USP8: variants seen among roughly 807,000 people sequenced by gnomAD.
USP8 encodes ubiquitin carboxyl-terminal hydrolase 8.
Under a neutral mutation model 130.0 loss-of-function variants are expected in USP8, and 27 were observed. That is an observed-to-expected ratio of 0.21 (90% confidence interval 0.15 to 0.29). The LOEUF is 0.29. Among genes scored for constraint, USP8 ranks in the 10% least tolerant of loss-of-function variants. USP8 has a pLI of 1.00. For synonymous variants in USP8, 392 were observed against 444.1 expected (o/e 0.88, Z 1.48); for missense variants, 1,029 against 1,312.2 (o/e 0.78, Z 3.33).
intron 3 of USP8, among the ~76,000 whole-genome samples, chr15:50,447,167 T>C (rs546918919): frequency 6.6e-6 from 1 of 152,342 alleles, no homozygotes; most frequent in African/African-American, 2.4e-5. Flanking sequence ...TTTAGAAAAA[T>C]TTAATTCTTC....
intron 12 of USP8, among the ~76,000 whole-genome samples, chr15:50,485,550 ATTTTTTTTTTT>A (rs71424071): frequency 4.7e-4 from 13 of 27,944 alleles, no homozygotes; most frequent in South Asian, 2.4e-3. Context: ...CAGTTTAGTG[ATTTTTTTTTTT>A]TTTTTTTTTT....
chr15:50,497,510 A>ATAAT (rs1249247204), intron 18 of USP8: 8 of 253,650 alleles, frequency 3.2e-5, no homozygotes, highest in African/African-American at 1.6e-4. Context: ...ATATTACAGT[A>ATAAT]TAATTCAAAC....
rs750582663 is a variant in USP8, at chr15:50,471,774, T to G, written c.828T>G (p.Ser276Arg). Residue 276 changes from serine (S) to arginine (R), a missense_variant, in exon 8 of 20, where the codon AGT (serine) becomes AGG (arginine). Physicochemically the swap from Ser to Arg is moderately radical, Grantham distance 110. This residue lies in a region of USP8 where 281 missense variants were observed against 336.7 expected (regional missense o/e 0.83). Coordinates refer to ENST00000307179, the MANE Select transcript of USP8 (RefSeq NM_005154.5). Reference sequence around the variant, plus strand: ...TACAGATTGGAACAACTCTCCGGAGTCTGAAAGATGCACTTTTCAAGGTTT... The same window carrying G: ...TACAGATTGGAACAACTCTCCGGAGGCTGAAAGATGCACTTTTCAAGGTTT... ...KDLQIGTTLRSLKDALFKWES... is the reference protein window; with the variant it reads ...KDLQIGTTLRRLKDALFKWES... The G allele has an allele frequency of 6.2e-7, 1 of 1,613,838 alleles. No homozygotes were observed. The highest frequency in any genetic ancestry group is 8.5e-7 in the Non-Finnish European group (1 of 1,179,950).
chr15:50,439,294 A>G lies in USP8; in HGVS notation c.104+117A>G, dbSNP rs1313615134. 30 of 633,696 alleles carry G rather than the reference A, an allele frequency of 4.7e-5. No homozygotes were observed. In the Admixed American group the frequency reaches 1.0e-3, roughly 21 times the overall value. The allele number at this position is 633,696 out of a possible 1,614,324, so 39.3% of individuals were successfully genotyped here. Reference sequence around the variant, plus strand: ...GAAAAATAACACCATCACACGAATAAAGTAGGACCTCCTTAGAGAAAGTTG... The same window carrying G: ...GAAAAATAACACCATCACACGAATAGAGTAGGACCTCCTTAGAGAAAGTTG... On this transcript the variant is annotated intron_variant, in intron 2 of 19. Coordinates refer to ENST00000307179, the MANE Select transcript of USP8 (RefSeq NM_005154.5).
Position 50,474,171 on chromosome 15 carries a change from T to C in USP8, c.849+2376T>C, listed in dbSNP as rs115576230. ...CGTCACCATCCTAGCTAATTTTATT[T>C]TATTTTATTTTTGTAGAGATGAGAT... On this transcript the variant is annotated intron_variant, in intron 8 of 19. Coordinates refer to ENST00000307179, the MANE Select transcript of USP8 (RefSeq NM_005154.5). Among the ~76,000 whole-genome samples the C allele has an allele frequency of 2.1e-3, 315 of 152,110 alleles. 1 individual carries two copies. The highest frequency in any genetic ancestry group is 7.4e-3 in the African/African-American group (306 of 41,488).
At chr15:50,449,871 A>AATAT (rs1168629673) in intron 4 of USP8, among the ~76,000 whole-genome samples, 1 of 120,916 alleles carries the variant, frequency 8.3e-6, no homozygotes, top group Non-Finnish European at 1.7e-5. Context: ...GTGGGCCACC[A>AATAT]TGCCTGGCCC....
chr15:50,429,834 G>T (rs113177019), intron 1 of USP8, among the ~76,000 whole-genome samples: 1 of 152,034 alleles, frequency 6.6e-6, no homozygotes, highest in Non-Finnish European at 1.5e-5. Flanking sequence ...TGTTTTTGGT[G>T]CATGTTAAGT....
chr15:50,438,530 A>C (rs1289361238), intron 1 of USP8, among the ~76,000 whole-genome samples: 1 of 152,230 alleles, frequency 6.6e-6, no homozygotes, highest in Non-Finnish European at 1.5e-5. Flanking sequence ...GGTTACAGTA[A>C]GCCGAGATTG....
chr15:50,499,250 ATAACATT>A lies in USP8; in HGVS notation c.*168_*174del, dbSNP rs1369325714. 3 of 551,668 alleles carry A rather than the reference ATAACATT, an allele frequency of 5.4e-6. No homozygotes were observed. The highest frequency in any genetic ancestry group is 4.0e-5 in the Admixed American group (1 of 25,090). The allele number at this position is 551,668 out of a possible 1,614,324, so 34.2% of individuals were successfully genotyped here. ...ATATAATTCCGGTCAGTGCTGACAA[ATAACATT>A]TAACAAGTATTGCAGTAATCATCAC... On this transcript the variant is annotated 3_prime_UTR_variant, in exon 20 of 20. Coordinates refer to ENST00000307179, the MANE Select transcript of USP8 (RefSeq NM_005154.5).
chr15:50,471,579 A>G (rs1184671066), intron 7 of USP8, 54 bp from the exon 8 acceptor site: 20 of 1,579,830 alleles, frequency 1.3e-5, no homozygotes, highest in African/African-American at 2.7e-5. Context: ...TTCTGTTAGT[A>G]TATTAGGACC....
chr15:50,470,332 G>A (rs770546228), intron 7 of USP8, among the ~76,000 whole-genome samples: 1 of 152,180 alleles, frequency 6.6e-6, no homozygotes, highest in Non-Finnish European at 1.5e-5. Flanking sequence ...TCATGTGTGC[G>A]TGTGCATGTG....
intron 7 of USP8, among the ~76,000 whole-genome samples, chr15:50,467,915 T>C (rs1030823010): frequency 1.3e-5 from 2 of 151,482 alleles, no homozygotes; most frequent in African/African-American, 4.8e-5. Context: ...ATTTTTTAAA[T>C]TTTAATTTAA....
At chr15:50,459,262 CA>C (rs1483849511) in intron 5 of USP8, 100 bp downstream of exon 5, 1 of 1,413,034 alleles carries the variant, frequency 7.1e-7, no homozygotes, top group African/African-American at 1.5e-5. Context: ...TTTTAGGCAA[CA>C]AGGATGAAAT....
chr15:50,434,845 C>G (rs949707683), intron 1 of USP8, among the ~76,000 whole-genome samples: 3 of 152,146 alleles, frequency 2.0e-5, no homozygotes, highest in African/African-American at 4.8e-5. Flanking sequence ...GTCTCAAACT[C>G]CCAACCTCAA....
At chr15:50,431,638 A>C (rs1418258533) in intron 1 of USP8, among the ~76,000 whole-genome samples, 2 of 152,078 alleles carry the variant, frequency 1.3e-5, no homozygotes, top group Non-Finnish European at 2.9e-5. Flanking sequence ...TTTCCCAATA[A>C]CTTCTGTAAT....
chr15:50,430,842 T>G (rs944546329), intron 1 of USP8, among the ~76,000 whole-genome samples: 1 of 152,222 alleles, frequency 6.6e-6, no homozygotes, highest in East Asian at 1.9e-4. Context: ...TACTTTGCTG[T>G]AAACCAGTGG....
chr15:50,510,974 T>C lies in USP8; in HGVS notation c.*11886T>C, dbSNP rs2141351826. 1 of 152,294 alleles carries C rather than the reference T, an allele frequency of 6.6e-6. No individual in the cohort carries two copies. Among genetic ancestry groups the C allele is most frequent in the Non-Finnish European group, 1.5e-5 (1 of 68,054 alleles). 9.4% of individuals were successfully genotyped at this position (152,294 alleles called of 1,614,324 possible). ...TTTGTATTTTTAGTAGAGACGGGGTTTCACCGTGTTAGCCAGGATGGTCTC... is the reference window on the plus strand; with the variant it reads ...TTTGTATTTTTAGTAGAGACGGGGTCTCACCGTGTTAGCCAGGATGGTCTC... On this transcript the variant is annotated 3_prime_UTR_variant, in exon 20 of 20. Coordinates refer to ENST00000307179, the MANE Select transcript of USP8 (RefSeq NM_005154.5).
intron 15 of USP8, 148 bp downstream of exon 15, chr15:50,493,061 T>C (rs2052237727): frequency 9.2e-6 from 8 of 867,232 alleles, no homozygotes; most frequent in Non-Finnish European, 1.5e-5. Flanking sequence ...TTCTCTTAGT[T>C]CTTGACTGGG....
At chr15:50,433,638 C>T (rs977718067) in intron 1 of USP8, among the ~76,000 whole-genome samples, 1 of 152,200 alleles carries the variant, frequency 6.6e-6, no homozygotes, top group African/African-American at 2.4e-5. Context: ...GAGATGGAGT[C>T]TCTGTTGCCC....
Sources: gnomAD v4.1 joint callset for allele counts (sites outside exome capture counted in the v4.1 genomes callset) on GRCh38, gnomAD v4.1.1 for gene constraint, gnomAD v4.1.1 regional missense constraint, MANE v1.5 for transcripts, NCBI Gene and HGNC (gene_info 2026-07-23, HGNC 2026-07-21) for gene names.